The following CNOT3 variants were observed in gnomAD, a reference collection of about 807,000 sequenced individuals.
CNOT3 encodes CCR4-NOT transcription complex subunit 3.
A neutral mutation model predicts 89.4 loss-of-function variants in CNOT3; 2 were observed. The observed-to-expected ratio is 0.02, with a 90% CI of 0.01 to 0.07. The LOEUF is 0.07. CNOT3 is among the 10% of genes least tolerant of loss of function. The pLI, the probability that CNOT3 is intolerant of heterozygous loss-of-function variation, is 1.00. For synonymous variants in CNOT3, 486 were observed against 402.0 expected, an observed-to-expected ratio of 1.21 and a Z score of -2.50; for missense variants, 664 against 1,010.2, an observed-to-expected ratio of 0.66 and a Z score of 4.65.
chr19:54,154,038 T>A, intron 17 of CNOT3, 198 bp downstream of exon 17: 1 of 753,996 alleles, frequency 1.3e-6, no homozygotes, highest in Non-Finnish European at 2.4e-6. Flanking sequence ...GGCCAGCTCC[T>A]AGGCCTCCTG....
At position 54,155,644 on chromosome 19, in the gene CNOT3, A is replaced by G. The variant is rs2075363266; in HGVS notation, c.*237A>G. ...GACATTTTTTGGTAAACCTATTTTC[A>G]TTTTGGAAAATATTTATGAATAAAT... On this transcript the variant is annotated 3_prime_UTR_variant, in exon 18 of 18. Transcript: ENST00000221232. 56 of 1,384,456 alleles carry G rather than the reference A, an allele frequency of 4.0e-5. No homozygotes were observed. In the South Asian group the frequency reaches 7.6e-4, roughly 19 times the overall value. 85.8% of individuals were successfully genotyped at this position (1,384,456 alleles called of 1,614,324 possible). A position where few individuals can be genotyped will look rare whatever the true frequency, so the allele number is the denominator to read the frequency against.
In CNOT3 at chr19:54,155,442, G is replaced by A. The variant is rs1433775071; in HGVS notation, c.*35G>A. 5 of 1,144,864 alleles carry A rather than the reference G, an allele frequency of 4.4e-6. No homozygotes were observed. Among genetic ancestry groups the A allele is most frequent in the East Asian group, 4.0e-5 (1 of 25,018 alleles). 70.9% of individuals were successfully genotyped at this position (1,144,864 alleles called of 1,614,324 possible). A position where few individuals can be genotyped will look rare whatever the true frequency, so the allele number is the denominator to read the frequency against. ...CTCCCTCTACCCACCCCCTTCCCCCGCATGCTGATCCCCCTGCCCAGGTGA... is the reference window on the plus strand; with the variant it reads ...CTCCCTCTACCCACCCCCTTCCCCCACATGCTGATCCCCCTGCCCAGGTGA... On this transcript the variant is annotated 3_prime_UTR_variant, in exon 18 of 18. Coordinates refer to ENST00000221232, the MANE Select transcript of CNOT3 (RefSeq NM_014516.4).
chr19:54,143,343 G>T, intron 3 of CNOT3, 99 bp from the exon 4 acceptor site: 1 of 1,217,910 alleles, frequency 8.2e-7, no homozygotes, highest in Non-Finnish European at 1.2e-6. Flanking sequence ...GGTAGGGGTT[G>T]GGGGGGGTCC....
chr19:54,144,484 G>C lies in CNOT3; in HGVS notation c.483+152G>C. 3 of 656,984 alleles carry C rather than the reference G, an allele frequency of 4.6e-6. No individual in the cohort carries two copies. The highest frequency in any genetic ancestry group is 8.2e-6 in the Non-Finnish European group (3 of 365,172). The allele number at this position is 656,984 out of a possible 1,614,324, so 40.7% of individuals were successfully genotyped here. Reference sequence around the variant, plus strand: ...GCCGGGATTAGGGATTTGAGAGACAGGATTGGGAGGGCTTAGCAGCTGCAC... The same window carrying C: ...GCCGGGATTAGGGATTTGAGAGACACGATTGGGAGGGCTTAGCAGCTGCAC... On this transcript the variant is annotated intron_variant, in intron 7 of 17. Coordinates refer to ENST00000221232, the MANE Select transcript of CNOT3 (RefSeq NM_014516.4). The surrounding 1 kb of genome is among the most constrained non-coding windows in gnomAD (Gnocchi z 4.8).
chr19:54,141,025 A>ACT (rs1208163368), intron 1 of CNOT3, among the ~76,000 whole-genome samples: 3 of 151,672 alleles, frequency 2.0e-5, no homozygotes, highest in Non-Finnish European at 4.4e-5. Context: ...GGGAGTGTAA[A>ACT]CTCTCGTTTC....
At chr19:54,139,188 G>A (rs755139453) in intron 1 of CNOT3, among the ~76,000 whole-genome samples, 5 of 152,172 alleles carry the variant, frequency 3.3e-5, no homozygotes, top group Admixed American at 6.5e-5. Context: ...TGTCCTTTTG[G>A]TGAGGGGTTT....
intron 1 of CNOT3, among the ~76,000 whole-genome samples, chr19:54,140,035 A>T (rs148813685): frequency 0.012 from 1,893 of 152,230 alleles, 16 homozygotes; most frequent in Middle Eastern, 0.027. Flanking sequence ...AAGGTGCCTC[A>T]TGACAAAGAC....
intron 1 of CNOT3, among the ~76,000 whole-genome samples, chr19:54,138,487 C>T (rs1407850205): frequency 1.3e-5 from 2 of 152,112 alleles, no homozygotes; most frequent in African/African-American, 4.8e-5. Context: ...GCCGGGGCTT[C>T]TCCCTCGACG....
intron 13 of CNOT3, among the ~76,000 whole-genome samples, chr19:54,151,517 G>A (rs1161672741): frequency 2.6e-5 from 4 of 152,174 alleles, no homozygotes; most frequent in Admixed American, 6.5e-5. Context: ...CTGCCTGGGC[G>A]ATATAGCGAG....
Position 54,149,642 on chromosome 19 carries a change from C to G in CNOT3, c.1489C>G (p.Leu497Val), listed in dbSNP as rs368516628. 1.2e-6 allele frequency: 2 copies of G among 1,613,910 alleles called. No individual in the cohort carries two copies. Among genetic ancestry groups the G allele is most frequent in the African/African-American group, 2.7e-5 (2 of 74,924 alleles). ...GAACAACTCAGGGGGACCCAGCCTC[C>G]TGGTGCCACTGCCTGTGAATCCTCC... Reference protein sequence around the residue: ...SGNNSGGPSLLVPLPVNPPSS... With the variant: ...SGNNSGGPSLVVPLPVNPPSS... Residue 497 changes from leucine to valine, a missense_variant, in exon 13 of 18, where the codon CTG becomes GTG. By Grantham distance (32) the Leu-to-Val change is conservative (BLOSUM62 1). Around this residue, in one of 8 missense-constraint regions of CNOT3, gnomAD observed 545 missense variants for 566.2 expected, o/e 0.96. Transcript: ENST00000221232.
intron 1 of CNOT3, among the ~76,000 whole-genome samples, chr19:54,139,370 G>A (rs1345184400): frequency 6.6e-6 from 1 of 152,118 alleles, no homozygotes. Context: ...CTACCCTTAC[G>A]CTGGGTGTCA....
chr19:54,145,589 C>T lies in CNOT3; in HGVS notation c.484-9C>T, dbSNP rs1042601186. 5.0e-6 allele frequency: 8 copies of T among 1,608,776 alleles called. No homozygotes were observed. Among genetic ancestry groups the T allele is most frequent in the African/African-American group, 1.3e-5 (1 of 74,754 alleles). On this transcript the variant is annotated splice_polypyrimidine_tract_variant and intron_variant, in intron 7 of 17. Coordinates refer to ENST00000221232, the MANE Select transcript of CNOT3 (RefSeq NM_014516.4). This position sits in a 1 kb window ranked among gnomAD's most constrained non-coding sequence, Gnocchi z 5.9. ...CAGCCCCTGAGCCTGGCCCTGGGCT[C>T]GCCAGCAGAAGCAGGACCGGATTGA...
At position 54,142,898 on chromosome 19, in the gene CNOT3, G is replaced by A. The variant is rs1363739009; in HGVS notation, c.-50-31G>A. On this transcript the variant is annotated intron_variant, in intron 1 of 17. Transcript: ENST00000221232. ...TGGGTTTTTACCAGCCAGGGAATACGTGTTAATTCCTCTCCAATCTCTCCT... is the reference window on the plus strand; with the variant it reads ...TGGGTTTTTACCAGCCAGGGAATACATGTTAATTCCTCTCCAATCTCTCCT... 86 of 1,417,748 alleles carry A rather than the reference G, an allele frequency of 6.1e-5. 1 individual carries two copies. In the Admixed American group the frequency reaches 6.9e-4, roughly 11 times the overall value. 87.8% of individuals were successfully genotyped at this position (1,417,748 alleles called of 1,614,324 possible).
chr19:54,153,543 G>C (rs2075259311), intron 16 of CNOT3, 172 bp from the exon 17 acceptor site: 1 of 779,300 alleles, frequency 1.3e-6, no homozygotes, highest in South Asian at 1.4e-5. Flanking sequence ...TCCTTCTCCT[G>C]ATCAGCATTG....
rs763993763 is a variant in CNOT3 at position 54,152,933 on chromosome 19, G to A, written c.1971G>A (p.Ser657=). The A allele has an allele frequency of 1.2e-5, 19 of 1,597,750 alleles. No homozygotes were observed. The highest frequency in any genetic ancestry group is 1.3e-5 in the Non-Finnish European group (15 of 1,170,930). ...ACCACCAGATGCCACCCCCACACTC[G>A]GACACTGTGGAATTCTACCAGCGCC... is the stretch of plus-strand genomic sequence containing the variant. ...PYHHQMPPPH[S]DTVEFYQRLS... The change falls in exon 16 of 18, where the codon TCG becomes TCA. Residue 657 remains serine, a synonymous_variant. Transcript: ENST00000221232.
rs1431957750 is a variant in CNOT3, at chr19:54,144,302, G to A, written c.453G>A (p.Val151=). Residue 151 remains valine (V), a synonymous_variant, in exon 7 of 18, where the codon GTG becomes GTA. Transcript: ENST00000221232. The surrounding 1 kb of genome is among the most constrained non-coding windows in gnomAD (Gnocchi z 4.8). Reference sequence around the variant, plus strand: ...AGAGTGAAGTGGAGTCACTGTCAGTGCAGACACGCAAGAAGAAGGGCGACA... The same window carrying A: ...AGAGTGAAGTGGAGTCACTGTCAGTACAGACACGCAAGAAGAAGGGCGACA... ...QFESEVESLS[V]QTRKKKGDKD... The A allele has an allele frequency of 1.2e-6, 2 of 1,614,034 alleles. No individual in the cohort carries two copies. Among genetic ancestry groups the A allele is most frequent in the Admixed American group, 1.7e-5 (1 of 60,020 alleles).
chr19:54,152,598 C>T lies in CNOT3; in HGVS notation c.1876C>T (p.Pro626Ser). 1.2e-6 allele frequency: 2 copies of T among 1,613,510 alleles called. No individual in the cohort carries two copies. Among genetic ancestry groups the T allele is most frequent in the Non-Finnish European group, 8.5e-7 (1 of 1,179,732 alleles). The change falls in exon 15 of 18, where the codon CCT becomes TCT. Residue 626 changes from proline (P) to serine (S), a missense_variant. Coordinates refer to ENST00000221232, the MANE Select transcript of CNOT3 (RefSeq NM_014516.4). ...GGAAGAGGCCGCCTGGCACCACATG[C>T]CTCACCCCTCTGACTCTGAGCGTAT... ...AMEEAAWHHM[P>S]HPSDSERIRQ...
rs768826017 is a variant in CNOT3, at chr19:54,146,042, C to T, written c.836C>T (p.Thr279Met). 1.4e-5 allele frequency: 22 copies of T among 1,612,496 alleles called. No homozygotes were observed. The highest frequency in any genetic ancestry group is 1.3e-4 in the East Asian group (6 of 44,870). Residue 279 changes from threonine (T) to methionine (M), a missense_variant and splice_region_variant, in exon 9 of 18, where the codon ACG becomes ATG. Physicochemically the swap from Thr to Met is moderately conservative, Grantham distance 81. Transcript: ENST00000221232. Reference protein sequence around the residue: ...PIPPSPANCTTENSEDDKKRG... With the variant: ...PIPPSPANCTMENSEDDKKRG... ...CCGCCCAGCCCAGCCAACTGTACCA[C>T]GGTGAGGCCCCACGGGACACTAGTA...
chr19:54,143,549 C>T, intron 4 of CNOT3, 33 bp downstream of exon 4: 1 of 1,611,548 alleles, frequency 6.2e-7, no homozygotes, highest in Non-Finnish European at 8.5e-7. Flanking sequence ...CGCCTTTGTC[C>T]TGAGGGTAGA....
Sources: gnomAD v4.1 joint callset for allele counts (sites outside exome capture counted in the v4.1 genomes callset) on GRCh38, gnomAD v4.1.1 for gene constraint, gnomAD v4.1.1 regional missense constraint, Gnocchi (gnomAD v3.1) non-coding constraint, MANE v1.5 for transcripts, NCBI Gene and HGNC (gene_info 2026-07-23, HGNC 2026-07-21) for gene names.